SLCO4C1: variants seen among roughly 807,000 people sequenced by gnomAD.
The protein encoded by SLCO4C1 is organic anion transporter M1.
A neutral mutation model predicts 72.1 loss-of-function variants in SLCO4C1; 58 were observed. The ratio of observed to expected loss-of-function variants is 0.80; its 90% CI spans 0.65 to 1.00. SLCO4C1 has a LOEUF of 1.00. SLCO4C1 is among the 50% of genes least tolerant of loss of function. The probability of loss-of-function intolerance (pLI) is 0.00; values close to 1 mark genes in which losing one functional copy is unlikely to be tolerated. For missense variants in SLCO4C1, 898 were observed against 857.9 expected (o/e 1.05, Z -0.58); for synonymous variants, 297 against 312.5 (o/e 0.95, Z 0.52).
intron 2 of SLCO4C1, among the ~76,000 whole-genome samples, chr5:102,272,473 T>C (rs1340429577): frequency 6.6e-6 from 1 of 152,126 alleles, no homozygotes; most frequent in Non-Finnish European, 1.5e-5. Context: ...CAAGGAATAA[T>C]TCACCTCATT....
chr5:102,267,330 A>G (rs1317026403), intron 3 of SLCO4C1, among the ~76,000 whole-genome samples: 3 of 152,008 alleles, frequency 2.0e-5, no homozygotes, highest in Admixed American at 6.6e-5. Flanking sequence ...CAAGTTTTCT[A>G]TTTCTTCCTG....
intron 2 of SLCO4C1, among the ~76,000 whole-genome samples, chr5:102,290,973 A>G (rs902897026): frequency 2.7e-5 from 4 of 149,958 alleles, no homozygotes; most frequent in Non-Finnish European, 4.5e-5. Context: ...TCAGGAATCA[A>G]CATGTCCAGG....
At chr5:102,254,920 G>A (rs1011502672) in intron 8 of SLCO4C1, among the ~76,000 whole-genome samples, 1 of 151,846 alleles carries the variant, frequency 6.6e-6, no homozygotes, top group Non-Finnish European at 1.5e-5. Context: ...TCTTTTATAC[G>A]TGTTTCTTAG....
chr5:102,262,465 CTATT>C lies in SLCO4C1; in HGVS notation c.900-436_900-433del, dbSNP rs545502024. Among the ~76,000 whole-genome samples, 312 of 152,084 alleles carry C rather than the reference CTATT, an allele frequency of 2.1e-3. 1 individual carries two copies. The highest frequency in any genetic ancestry group is 1.3e-3 in the Non-Finnish European group (86 of 67,966). On this transcript the variant is annotated intron_variant, in intron 4 of 12. Transcript: ENST00000310954. ...TAATGTAAAATTAGTCTTAAAGCAA[CTATT>C]TATTTGTCTATTTATTTCTTTGAAA...
chr5:102,245,491 T>C (rs1024367870), intron 10 of SLCO4C1, among the ~76,000 whole-genome samples: 2 of 152,050 alleles, frequency 1.3e-5, no homozygotes, highest in Non-Finnish European at 2.9e-5. Flanking sequence ...CAAGAGGATA[T>C]AACAATTTTA....
chr5:102,253,880 A>G (rs1474926896), intron 8 of SLCO4C1, among the ~76,000 whole-genome samples: 3 of 151,856 alleles, frequency 2.0e-5, no homozygotes, highest in Non-Finnish European at 2.9e-5. Flanking sequence ...CATACCCCAA[A>G]CCTCAGCATC....
At chr5:102,244,448 A>G (rs550572338) in intron 10 of SLCO4C1, among the ~76,000 whole-genome samples, 6 of 152,324 alleles carry the variant, frequency 3.9e-5, no homozygotes, top group African/African-American at 1.4e-4. Context: ...GAAGAGGTAG[A>G]GAAAAAGATG....
At position 102,260,330 on chromosome 5, in the gene SLCO4C1, AATATATATATAT is replaced by A. The variant is rs762693983; in HGVS notation, c.1022-23_1022-12del. On this transcript the variant is annotated splice_polypyrimidine_tract_variant and intron_variant, in intron 5 of 12. Transcript: ENST00000310954. ...GAATTTCTGCTGTACCTAAAAAAAA[AATATATATATAT>A]ATATAATATATATATTATACATATA... is the stretch of plus-strand genomic sequence containing the variant. 1 of 48,496 alleles carries A rather than the reference AATATATATATAT, an allele frequency of 2.1e-5. No individual in the cohort carries two copies. Among genetic ancestry groups the A allele is most frequent in the African/African-American group, 1.1e-4 (1 of 8,806 alleles). 3.0% of individuals were successfully genotyped at this position (48,496 alleles called of 1,614,324 possible).
chr5:102,256,461 G>T (rs1357551111), intron 8 of SLCO4C1, among the ~76,000 whole-genome samples: 1 of 152,148 alleles, frequency 6.6e-6, no homozygotes, highest in Non-Finnish European at 1.5e-5. Flanking sequence ...AACAATTAAA[G>T]CAGCACTGTG....
At chr5:102,239,500 C>A in intron 11 of SLCO4C1, 112 bp from the exon 12 acceptor site, 1 of 712,430 alleles carries the variant, frequency 1.4e-6, no homozygotes, top group Non-Finnish European at 2.0e-6. Context: ...AAGTATTCAT[C>A]TGTCCACATG....
At chr5:102,263,143 A>G (rs1748972159) in intron 4 of SLCO4C1, among the ~76,000 whole-genome samples, 1 of 152,218 alleles carries the variant, frequency 6.6e-6, no homozygotes, top group South Asian at 2.1e-4. Flanking sequence ...AGAGGATTAA[A>G]TAAGATAGCA....
At chr5:102,275,383 G>A (rs1749229970) in intron 2 of SLCO4C1, among the ~76,000 whole-genome samples, 1 of 152,108 alleles carries the variant, frequency 6.6e-6, no homozygotes, top group African/African-American at 2.4e-5. Flanking sequence ...AGTTGAAATA[G>A]TTGATGTACC....
At position 102,247,375 on chromosome 5, in the gene SLCO4C1, A is replaced by T; in HGVS notation, c.1688T>A (p.Phe563Tyr). ...EITSTAETFG[F>Y]EAKAGKCETH... ...TTCACATTTTCCAGCTTTAGCTTCA[A>T]AACCAAAAGTTTCTGCAGTGGATGT... is the stretch of plus-strand genomic sequence containing the variant. The change falls in exon 10 of 13, where the codon TTT becomes TAT. Residue 563 changes from phenylalanine to tyrosine, a missense_variant. Coordinates refer to ENST00000310954, the MANE Select transcript of SLCO4C1 (RefSeq NM_180991.5). 6.3e-7 allele frequency: 1 copy of T among 1,597,326 alleles called. No homozygotes were observed. The highest frequency in any genetic ancestry group is 1.7e-4 in the Middle Eastern group (1 of 6,008).
At chr5:102,285,599 T>G (rs1749437415) in intron 2 of SLCO4C1, among the ~76,000 whole-genome samples, 1 of 152,186 alleles carries the variant, frequency 6.6e-6, no homozygotes, top group South Asian at 2.1e-4. Context: ...GTAATTCATA[T>G]TATCTAGGAA....
At chr5:102,265,498 T>C (rs528451059) in intron 3 of SLCO4C1, among the ~76,000 whole-genome samples, 2 of 152,270 alleles carry the variant, frequency 1.3e-5, no homozygotes, top group African/African-American at 4.8e-5. Flanking sequence ...TTTTTGTATA[T>C]GGTGTGAGAT....
At chr5:102,262,516 A>G (rs915326945) in intron 4 of SLCO4C1, among the ~76,000 whole-genome samples, 9 of 152,132 alleles carry the variant, frequency 5.9e-5, no homozygotes, top group African/African-American at 1.7e-4. Flanking sequence ...TCTGTCACCC[A>G]GGCTGGGGTG....
intron 10 of SLCO4C1, among the ~76,000 whole-genome samples, chr5:102,242,711 T>C (rs1209540832): frequency 6.6e-6 from 1 of 152,128 alleles, no homozygotes; most frequent in African/African-American, 2.4e-5. Context: ...ACCCAGATAC[T>C]ACATTGAGGG....
intron 10 of SLCO4C1, among the ~76,000 whole-genome samples, chr5:102,244,582 C>T (rs2112339212): frequency 6.6e-6 from 1 of 152,230 alleles, no homozygotes; most frequent in Non-Finnish European, 1.5e-5. Flanking sequence ...AAGACTACCT[C>T]AAGGCATTTA....
intron 2 of SLCO4C1, among the ~76,000 whole-genome samples, chr5:102,291,130 G>A (rs1468819465): frequency 6.6e-6 from 1 of 152,118 alleles, no homozygotes; most frequent in Non-Finnish European, 1.5e-5. Flanking sequence ...AGAATTAGAG[G>A]CTTAAAAACT....
Sources: gnomAD v4.1 joint callset for allele counts (sites outside exome capture counted in the v4.1 genomes callset) on GRCh38, gnomAD v4.1.1 for gene constraint, MANE v1.5 for transcripts, NCBI Gene and HGNC (gene_info 2026-07-23, HGNC 2026-07-21) for gene names.